PCDH9: variants seen among roughly 807,000 people sequenced by gnomAD.
PCDH9 encodes protocadherin 9.
In PCDH9, 24 loss-of-function variants were observed where a neutral mutation model predicts 70.6. The observed-to-expected ratio is 0.34, with a 90% CI of 0.25 to 0.48. The LOEUF (loss-of-function observed/expected upper bound fraction) is 0.48. Ranked by LOEUF, PCDH9 falls within the 20% of genes least tolerant of loss-of-function variation. The pLI, the probability that PCDH9 is intolerant of heterozygous loss-of-function variation, is 0.99. For synonymous variants in PCDH9, 562 were observed against 558.5 expected, an observed-to-expected ratio of 1.01 and a Z score of -0.09; for missense variants, 1,281 against 1,503.6, an observed-to-expected ratio of 0.85 and a Z score of 2.45.
intron 2 of PCDH9, among the ~76,000 whole-genome samples, chr13:66,997,065 A>G (rs1275520355): frequency 1.3e-5 from 2 of 152,312 alleles, no homozygotes; most frequent in East Asian, 1.9e-4. Flanking sequence ...TAATATTATC[A>G]TATTGGAACT....
intron 2 of PCDH9, among the ~76,000 whole-genome samples, chr13:67,027,101 T>C (rs1035988887): frequency 3.3e-5 from 5 of 151,792 alleles, no homozygotes; most frequent in African/African-American, 4.8e-5. Flanking sequence ...GAGCCCGCAT[T>C]GCCAAGTCAA....
intron 4 of PCDH9, among the ~76,000 whole-genome samples, chr13:66,313,027 C>T (rs1955590658): frequency 6.6e-6 from 1 of 152,216 alleles, no homozygotes; most frequent in Non-Finnish European, 1.5e-5. Flanking sequence ...TTTCCTTGTA[C>T]ATCTTCAGCC....
chr13:66,378,480 C>T (rs892895299), intron 4 of PCDH9, among the ~76,000 whole-genome samples: 5 of 152,096 alleles, frequency 3.3e-5, no homozygotes, highest in African/African-American at 4.8e-5. Flanking sequence ...TCATCAGACA[C>T]TACAAGAAAG....
chr13:66,348,024 A>G (rs988877562), intron 4 of PCDH9, among the ~76,000 whole-genome samples: 6 of 152,194 alleles, frequency 3.9e-5, no homozygotes, highest in Non-Finnish European at 8.8e-5. Context: ...GGAGAATGGT[A>G]TCACCTGATA....
intron 3 of PCDH9, among the ~76,000 whole-genome samples, chr13:66,670,643 G>A (rs1037823338): frequency 2.0e-5 from 3 of 152,076 alleles, no homozygotes; most frequent in African/African-American, 7.2e-5. Context: ...GATGAAAATT[G>A]TAGAACACTA....
intron 2 of PCDH9, among the ~76,000 whole-genome samples, chr13:67,166,996 C>A (rs2088135843): frequency 6.6e-6 from 1 of 152,114 alleles, no homozygotes; most frequent in Non-Finnish European, 1.5e-5. Flanking sequence ...TAATTTAGAT[C>A]TGACTTCTTG....
rs538320777 is a variant in PCDH9, at chr13:66,567,156, T to C, written c.3340+64054A>G. 2.6e-4 allele frequency among the ~76,000 whole-genome samples: 39 copies of C among 152,284 alleles called. No homozygotes were observed. In the South Asian group the frequency reaches 7.9e-3, roughly 31 times the overall value. On this transcript the variant is annotated intron_variant, in intron 4 of 4. Transcript: ENST00000377865. ...CAGTGCCATTCAGTTTAAGTCAATA[T>C]CATTCAAGATGCATTAAGTATTTGT...
intron 3 of PCDH9, among the ~76,000 whole-genome samples, chr13:66,807,731 A>G (rs1209272629): frequency 6.6e-6 from 1 of 152,232 alleles, no homozygotes; most frequent in Non-Finnish European, 1.5e-5. Context: ...TTCTGTTAAT[A>G]ATATATGTCA....
intron 4 of PCDH9, among the ~76,000 whole-genome samples, chr13:66,577,893 A>C (rs1172438557): frequency 1.3e-5 from 2 of 152,056 alleles, no homozygotes; most frequent in African/African-American, 4.8e-5. Context: ...CAGCTGATAA[A>C]CTTCTGTCAG....
intron 2 of PCDH9, among the ~76,000 whole-genome samples, chr13:67,166,220 C>T (rs2088112917): frequency 6.6e-6 from 1 of 152,102 alleles, no homozygotes; most frequent in South Asian, 2.1e-4. Flanking sequence ...CAATTATGAA[C>T]ACTTAGATAC....
Position 67,225,913 on chromosome 13 carries a change from C to T in PCDH9, c.2528G>A (p.Arg843Lys). 1 of 1,614,092 alleles carries T rather than the reference C, an allele frequency of 6.2e-7. No homozygotes were observed. The highest frequency in any genetic ancestry group is 8.5e-7 in the Non-Finnish European group (1 of 1,180,034). ...CTTGCTCCTCTGAGCTGCTTTGAAC[C>T]TTGATGCATGGCGACAGCGCACCAG... Reference protein sequence around the residue: ...TVLVRCRHASRFKAAQRSKQG... With the variant: ...TVLVRCRHASKFKAAQRSKQG... Residue 843 changes from arginine to lysine, a missense_variant, in exon 2 of 5, where the codon AGG (arginine) becomes AAG (lysine). Arg to Lys is a conservative substitution (Grantham distance 26). This residue lies in a region of PCDH9 where 207 missense variants were observed against 191.8 expected (regional missense o/e 1.08). Coordinates refer to ENST00000377865, the MANE Select transcript of PCDH9 (RefSeq NM_203487.3).
chr13:67,038,823 G>A (rs1252034941), intron 2 of PCDH9, among the ~76,000 whole-genome samples: 4 of 152,120 alleles, frequency 2.6e-5, no homozygotes, highest in Admixed American at 1.3e-4. Context: ...CCTGGTTCCC[G>A]ACACAGGGCT....
At chr13:66,687,035 T>A (rs2078413784) in intron 3 of PCDH9, among the ~76,000 whole-genome samples, 1 of 152,142 alleles carries the variant, frequency 6.6e-6, no homozygotes. Context: ...TAGGATCAGA[T>A]ATAGTTTTGG....
chr13:67,228,613 T>G (rs1385032487), intron 1 of PCDH9, 38 bp from the exon 2 acceptor site: 2 of 464,774 alleles, frequency 4.3e-6, no homozygotes, highest in African/African-American at 4.0e-5. Context: ...TATTCTTCAG[T>G]AAATAAAAAC....
chr13:66,447,071 GA>G (rs1958105316), intron 4 of PCDH9, among the ~76,000 whole-genome samples: 1 of 151,948 alleles, frequency 6.6e-6, no homozygotes. Context: ...TAACTCTCAG[GA>G]AGAAAGTGTC....
At chr13:66,757,076 A>C (rs149162546) in intron 3 of PCDH9, among the ~76,000 whole-genome samples, 2,891 of 152,154 alleles carry the variant, frequency 0.019, 88 homozygotes, top group African/African-American at 0.066. Flanking sequence ...ACATCAAGTG[A>C]TCCACCCACC....
chr13:66,764,985 T>C (rs1276182220), intron 3 of PCDH9, among the ~76,000 whole-genome samples: 1 of 151,950 alleles, frequency 6.6e-6, no homozygotes, highest in Non-Finnish European at 1.5e-5. Flanking sequence ...TCTCTGTCAG[T>C]CTCTTTGTCC....
At chr13:66,645,666 G>T (rs752354209) in intron 3 of PCDH9, among the ~76,000 whole-genome samples, 2 of 152,138 alleles carry the variant, frequency 1.3e-5, no homozygotes, top group Admixed American at 6.6e-5. Context: ...TTTAAGAAAA[G>T]TTGAGACTCC....
chr13:66,930,880 C>T (rs922524188), intron 2 of PCDH9, among the ~76,000 whole-genome samples: 1 of 151,976 alleles, frequency 6.6e-6, no homozygotes, highest in African/African-American at 2.4e-5. Context: ...TGACAATGAC[C>T]TCCATATAAG....
Sources: gnomAD v4.1 joint callset for allele counts (sites outside exome capture counted in the v4.1 genomes callset) on GRCh38, gnomAD v4.1.1 for gene constraint, gnomAD v4.1.1 regional missense constraint, MANE v1.5 for transcripts, NCBI Gene and HGNC (gene_info 2026-07-23, HGNC 2026-07-21) for gene names.